The following CMSS1 variants were observed in gnomAD, a reference collection of about 807,000 sequenced individuals.
CMSS1 encodes the protein cms1 ribosomal small subunit homolog.
In CMSS1, 33 loss-of-function variants were observed where a neutral mutation model predicts 43.5. That is an observed-to-expected ratio of 0.76 (90% CI 0.57 to 1.01). The LOEUF (loss-of-function observed/expected upper bound fraction) is 1.01, where lower values mean the gene tolerates loss of function less well. CMSS1 is among the 50% of genes least tolerant of loss of function. CMSS1 has a pLI of 0.00. For missense variants in CMSS1, 313 were observed against 326.4 expected, an observed-to-expected ratio of 0.96 and a Z score of 0.32; for synonymous variants, 115 against 117.2, an observed-to-expected ratio of 0.98 and a Z score of 0.12.
At chr3:100,059,025 G>A (rs1311775387) in intron 1 of CMSS1, among the ~76,000 whole-genome samples, 1 of 152,150 alleles carries the variant, frequency 6.6e-6, no homozygotes, top group Non-Finnish European at 1.5e-5. Context: ...TTTAGATTTT[G>A]TAGATAGACT....
At chr3:100,084,968 C>A (rs1366090126) in intron 1 of CMSS1, among the ~76,000 whole-genome samples, 4 of 152,214 alleles carry the variant, frequency 2.6e-5, no homozygotes, top group African/African-American at 9.6e-5. Flanking sequence ...GAAACTCATT[C>A]TCTGTCCATG....
chr3:100,114,031 A>C lies in CMSS1; in HGVS notation c.65-32942A>C, dbSNP rs966042621. The C allele has an allele frequency of 6.6e-5, 10 of 152,198 alleles. No individual in the cohort carries two copies. The East Asian group carries it at 1.9e-3, about 29-fold the overall frequency. The allele number at this position is 152,198 out of a possible 1,614,324, so 9.4% of individuals were successfully genotyped here. A position where few individuals can be genotyped will look rare whatever the true frequency, so the allele number is the denominator to read the frequency against. ...AACATCCCAAAGCCTCTTCTCAGCAAGGATGGGGACACTTAGCTTACCGTG... is the reference window on the plus strand; with the variant it reads ...AACATCCCAAAGCCTCTTCTCAGCACGGATGGGGACACTTAGCTTACCGTG... On this transcript the variant is annotated intron_variant, in intron 1 of 9. Coordinates refer to ENST00000421999, the MANE Select transcript of CMSS1 (RefSeq NM_032359.4).
At chr3:100,037,566 C>T (rs1001781877) in intron 1 of CMSS1, among the ~76,000 whole-genome samples, 1 of 152,096 alleles carries the variant, frequency 6.6e-6, no homozygotes, top group South Asian at 2.1e-4. Flanking sequence ...TTTTTGTCTC[C>T]CAACAAAGTT....
At chr3:99,860,520 G>A (rs1263988407) in intron 1 of CMSS1, among the ~76,000 whole-genome samples, 1 of 152,190 alleles carries the variant, frequency 6.6e-6, no homozygotes, top group African/African-American at 2.4e-5. Context: ...TCTCTGAAAG[G>A]TGAGGTTCCA....
chr3:99,855,813 G>C (rs2107541164), intron 1 of CMSS1, among the ~76,000 whole-genome samples: 1 of 152,282 alleles, frequency 6.6e-6, no homozygotes, highest in South Asian at 2.1e-4. Context: ...CTGGCATCTA[G>C]ATTCTTTCAT....
intron 1 of CMSS1, among the ~76,000 whole-genome samples, chr3:99,959,383 C>T (rs547278608): frequency 4.6e-5 from 7 of 152,340 alleles, no homozygotes; most frequent in African/African-American, 1.4e-4. Context: ...CTCCTGTCCT[C>T]TTGTGATCTG....
chr3:100,084,551 T>C (rs187662032), intron 1 of CMSS1, among the ~76,000 whole-genome samples: 1 of 152,278 alleles, frequency 6.6e-6, no homozygotes, highest in African/African-American at 2.4e-5. Flanking sequence ...TACAGTGTTA[T>C]GGGAAGTAAG....
Position 99,945,363 on chromosome 3 carries a change from C to G in CMSS1, c.64+127320C>G, listed in dbSNP as rs1707978209. ...TGCGTAGATCTGGACCTCAGACTCTCTGAGGTCTGTGGTAATGGGGATAGA... is the reference window on the plus strand; with the variant it reads ...TGCGTAGATCTGGACCTCAGACTCTGTGAGGTCTGTGGTAATGGGGATAGA... On this transcript the variant is annotated intron_variant, in intron 1 of 9. Coordinates refer to ENST00000421999, the MANE Select transcript of CMSS1 (RefSeq NM_032359.4). 2.0e-5 allele frequency among the ~76,000 whole-genome samples: 3 copies of G among 152,118 alleles called. No individual in the cohort carries two copies. The South Asian group carries it at 6.2e-4, about 32-fold the overall frequency.
At chr3:100,127,748 C>A (rs2066674373) in intron 1 of CMSS1, among the ~76,000 whole-genome samples, 1 of 152,150 alleles carries the variant, frequency 6.6e-6, no homozygotes, top group South Asian at 2.1e-4. Context: ...TGGAGACAGA[C>A]CTTGGTGATC....
At chr3:100,043,485 G>T (rs1257510727) in intron 1 of CMSS1, among the ~76,000 whole-genome samples, 1 of 151,954 alleles carries the variant, frequency 6.6e-6, no homozygotes, top group African/African-American at 2.4e-5. Flanking sequence ...ACTTTTGCAG[G>T]CCAGTAGGTA....
At chr3:99,997,946 T>A (rs1478537855) in intron 1 of CMSS1, among the ~76,000 whole-genome samples, 1 of 152,178 alleles carries the variant, frequency 6.6e-6, no homozygotes, top group African/African-American at 2.4e-5. Context: ...ACATCAAGAA[T>A]CAAGATCAAG....
chr3:100,156,025 A>G (rs980653604), intron 2 of CMSS1, among the ~76,000 whole-genome samples: 1 of 152,124 alleles, frequency 6.6e-6, no homozygotes, highest in Non-Finnish European at 1.5e-5. Context: ...TGGGCTTTCA[A>G]TCTGGAGTTT....
intron 1 of CMSS1, among the ~76,000 whole-genome samples, chr3:99,913,207 A>G (rs750170227): frequency 2.0e-5 from 3 of 152,146 alleles, no homozygotes; most frequent in Non-Finnish European, 4.4e-5. Context: ...AAGCCACCCA[A>G]TCTCTGGTAT....
intron 1 of CMSS1, among the ~76,000 whole-genome samples, chr3:100,100,493 A>G (rs556911276): frequency 5.9e-5 from 9 of 152,318 alleles, no homozygotes; most frequent in Non-Finnish European, 2.9e-5. Flanking sequence ...CAGCAAGTCC[A>G]CATTTGAATC....
intron 1 of CMSS1, among the ~76,000 whole-genome samples, chr3:100,103,923 G>A (rs2066351482): frequency 6.6e-6 from 1 of 152,136 alleles, no homozygotes; most frequent in African/African-American, 2.4e-5. Context: ...TCATGAGCAC[G>A]GGTCTGCCAA....
In CMSS1 at chr3:99,848,187, C is replaced by CA. The variant is rs1450203950; in HGVS notation, c.64+30145dup. On this transcript the variant is annotated intron_variant, in intron 1 of 9. Coordinates refer to ENST00000421999, the MANE Select transcript of CMSS1 (RefSeq NM_032359.4). ...AACCTTCCCAAAGTACGAGTTCAGT[C>CA]AGTCTTGGGGGATATGGAGGGATGA... is the stretch of plus-strand genomic sequence containing the variant. 4 of 1,540,238 alleles carry CA rather than the reference C, an allele frequency of 2.6e-6. No individual in the cohort carries two copies. In the African/African-American group the frequency reaches 5.5e-5, roughly 21 times the overall value.
chr3:100,133,340 GAT>G (rs1272436241), intron 1 of CMSS1, among the ~76,000 whole-genome samples: 3 of 151,984 alleles, frequency 2.0e-5, no homozygotes, highest in African/African-American at 7.2e-5. Flanking sequence ...AAGCTATGTG[GAT>G]ATATACATAG....
At chr3:100,037,955 T>TTTG in intron 1 of CMSS1, among the ~76,000 whole-genome samples, 1 of 134,104 alleles carries the variant, frequency 7.5e-6, no homozygotes, top group African/African-American at 2.9e-5. Flanking sequence ...TTTTTTTTTT[T>TTTG]TGGGGGGGGA....
intron 1 of CMSS1, among the ~76,000 whole-genome samples, chr3:99,899,223 A>G (rs1475441393): frequency 6.6e-6 from 1 of 152,226 alleles, no homozygotes; most frequent in Non-Finnish European, 1.5e-5. Flanking sequence ...TTTGCATCAT[A>G]TAAAGAGTCT....
Sources: allele counts gnomAD v4.1 joint callset (sites outside exome capture counted in the v4.1 genomes callset), GRCh38; gene constraint gnomAD v4.1.1; transcripts MANE v1.5; gene names NCBI Gene and HGNC (gene_info 2026-07-23, HGNC 2026-07-21).